Variants in ACTR3C observed in about 807,000 individuals in gnomAD.
The protein encoded by ACTR3C is actin related protein 3C.
A neutral mutation model predicts 26.3 loss-of-function variants in ACTR3C; 18 were observed. That is an observed-to-expected ratio of 0.68 (90% CI 0.47 to 1.01). The LOEUF (loss-of-function observed/expected upper bound fraction) is 1.01, where lower values mean the gene tolerates loss of function less well. ACTR3C is among the 50% of genes least tolerant of loss of function. ACTR3C has a pLI of 0.00. For synonymous variants in ACTR3C, 55 were observed against 94.5 expected (o/e 0.58, Z 2.42); for missense variants, 184 against 250.7 (o/e 0.73, Z 1.80).
the ACTR3C span, among the ~76,000 whole-genome samples, chr7:150,039,191 G>T: frequency 1.3e-5 from 2 of 148,290 alleles, no homozygotes; most frequent in African/African-American, 2.5e-5. Context: ...CGCCTCGCGG[G>T]GGGTGCCTCC....
At chr7:149,901,650 G>A in the ACTR3C span, among the ~76,000 whole-genome samples, 4 of 151,956 alleles carry the variant, frequency 2.6e-5, no homozygotes, top group South Asian at 4.2e-4. Flanking sequence ...CCGGCACAGT[G>A]GCTCACGCCT....
rs1470312703 is a variant in ACTR3C at position 150,250,358 on chromosome 7, T to C, written c.565-1304A>G. 1.3e-4 allele frequency among the ~76,000 whole-genome samples: 20 copies of C among 151,582 alleles called. No homozygotes were observed. The East Asian group carries it at 2.3e-3, about 18-fold the overall frequency. ...AGCTGGGACCACAGGCGCCCGCCAC[T>C]ACACCCGGCTAATTTTTTGTATTTT... On this transcript the variant is annotated intron_variant, in intron 6 of 7. Transcript: ENST00000683684.
At chr7:149,985,326 T>C in the ACTR3C span, among the ~76,000 whole-genome samples, 68 of 150,504 alleles carry the variant, frequency 4.5e-4, no homozygotes, top group African/African-American at 1.6e-3. Context: ...CTAAAATAAA[T>C]ATTTTCCATT....
chr7:150,257,757 A>G (rs1294472221), intron 6 of ACTR3C, among the ~76,000 whole-genome samples: 3 of 152,342 alleles, frequency 2.0e-5, no homozygotes. Flanking sequence ...ATATTATGTC[A>G]GACCAAAAGA....
chr7:150,036,995 CG>C, the ACTR3C span, among the ~76,000 whole-genome samples: 26 of 28,356 alleles, frequency 9.2e-4, no homozygotes, highest in East Asian at 7.6e-3. Context: ...GGGGTGCCTC[CG>C]CCCCCCTGCG....
chr7:150,313,306 C>T (rs982270409), intron 1 of ACTR3C, among the ~76,000 whole-genome samples: 1 of 152,160 alleles, frequency 6.6e-6, no homozygotes, highest in South Asian at 2.1e-4. Context: ...GGTGGGACAA[C>T]TTGAAATGGG....
the ACTR3C span, among the ~76,000 whole-genome samples, chr7:150,007,325 G>C: frequency 6.6e-6 from 1 of 152,188 alleles, no homozygotes; most frequent in Non-Finnish European, 1.5e-5. Context: ...CTTTCTTATA[G>C]TATTTACAAC....
At chr7:150,180,659 C>T in the ACTR3C span, among the ~76,000 whole-genome samples, 19 of 148,424 alleles carry the variant, frequency 1.3e-4, no homozygotes, top group Admixed American at 2.6e-4. Context: ...ACTACAGGCG[C>T]GCGCCACCAC....
intron 1 of ACTR3C, among the ~76,000 whole-genome samples, chr7:150,309,351 AT>A (rs1277376870): frequency 6.6e-6 from 1 of 152,228 alleles, no homozygotes; most frequent in Non-Finnish European, 1.5e-5. Context: ...CTTATTCTCA[AT>A]ATGTGTTTTA....
chr7:150,316,965 G>T (rs955377122), intron 1 of ACTR3C, among the ~76,000 whole-genome samples: 7 of 151,284 alleles, frequency 4.6e-5, no homozygotes, highest in Admixed American at 6.6e-5. Context: ...AAAAGTTTTG[G>T]TTTTTTTTCA....
At chr7:150,047,653 G>A in the ACTR3C span, 4 of 1,032,904 alleles carry the variant, frequency 3.9e-6, no homozygotes, top group Middle Eastern at 9.1e-4. Context: ...TGGAACCGGG[G>A]CCGGCCATCC....
chr7:149,941,533 C>T, the ACTR3C span, among the ~76,000 whole-genome samples: 4 of 152,186 alleles, frequency 2.6e-5, no homozygotes, highest in African/African-American at 9.7e-5. Flanking sequence ...TGTTTAACCC[C>T]TTAGCTCCTG....
the ACTR3C span, among the ~76,000 whole-genome samples, chr7:150,105,101 G>C: frequency 1.6e-5 from 1 of 62,698 alleles, no homozygotes; most frequent in Non-Finnish European, 3.1e-5. Flanking sequence ...TTTTTTTTTT[G>C]AGATGGAGTC....
the ACTR3C span, among the ~76,000 whole-genome samples, chr7:150,105,267 A>G: frequency 6.6e-6 from 1 of 151,744 alleles, no homozygotes; most frequent in Non-Finnish European, 1.5e-5. Context: ...TATTTTTAGT[A>G]GAGACGGGGT....
chr7:150,317,003 C>G (rs1045821959), intron 1 of ACTR3C, among the ~76,000 whole-genome samples: 1 of 152,060 alleles, frequency 6.6e-6, no homozygotes, highest in African/African-American at 2.4e-5. Flanking sequence ...TTCTGCTAAG[C>G]ATTTTCCTTG....
At chr7:149,958,465 G>C in the ACTR3C span, among the ~76,000 whole-genome samples, 1 of 152,202 alleles carries the variant, frequency 6.6e-6, no homozygotes, top group Non-Finnish European at 1.5e-5. Flanking sequence ...AGAGTTACCT[G>C]CCTGATCCCA....
At chr7:150,142,119 T>C in the ACTR3C span, among the ~76,000 whole-genome samples, 43 of 152,228 alleles carry the variant, frequency 2.8e-4, no homozygotes, top group Non-Finnish European at 5.3e-4. Flanking sequence ...CAGGAATCAG[T>C]GTACCCAGTA....
At chr7:150,213,148 C>T in the ACTR3C span, among the ~76,000 whole-genome samples, 1 of 152,046 alleles carries the variant, frequency 6.6e-6, no homozygotes, top group African/African-American at 2.4e-5. Flanking sequence ...CAAAATCAAG[C>T]TGGAGAATAG....
chr7:150,309,511 G>C (rs1796105637), intron 1 of ACTR3C, among the ~76,000 whole-genome samples: 1 of 152,184 alleles, frequency 6.6e-6, no homozygotes, highest in South Asian at 2.1e-4. Context: ...AGCTGCAACT[G>C]CTTGCGCCTG....
Sources: allele counts gnomAD v4.1 joint callset (sites outside exome capture counted in the v4.1 genomes callset), GRCh38; gene constraint gnomAD v4.1.1; transcripts MANE v1.5; gene names NCBI Gene and HGNC (gene_info 2026-07-23, HGNC 2026-07-21).